The following PTPRN2 variants were observed in gnomAD, a reference collection of about 807,000 sequenced individuals.
The protein encoded by PTPRN2 is receptor-type tyrosine-protein phosphatase N2.
A neutral mutation model predicts 118.8 loss-of-function variants in PTPRN2; 74 were observed. The observed-to-expected ratio is 0.62, with a 90% CI of 0.52 to 0.76. The LOEUF (loss-of-function observed/expected upper bound fraction) is 0.76. PTPRN2 is among the 30% of genes least tolerant of loss of function. The probability of loss-of-function intolerance (pLI) is 0.00; values close to 1 mark genes in which losing one functional copy is unlikely to be tolerated. For synonymous variants in PTPRN2, 641 were observed against 608.0 expected (o/e 1.05, Z -0.80); for missense variants, 1,481 against 1,394.4 (o/e 1.06, Z -0.99).
intron 2 of PTPRN2, among the ~76,000 whole-genome samples, chr7:158,318,075 C>T (rs896777): frequency 0.54 from 81,871 of 151,838 alleles, 22,339 homozygotes; most frequent in African/African-American, 0.57. Context: ...GCCTCCTGTC[C>T]GAGAGCCGGC....
In PTPRN2 at chr7:157,794,002, C is replaced by T. The variant is rs1804692397; in HGVS notation, c.1788+104671G>A. The stretch of plus-strand genomic sequence containing the variant: ...GCCCCACAGCCCCTTCCCGGGTCCC[C>T]ACCCTCCAGGCCACCTTCGGGCCTC... On this transcript the variant is annotated intron_variant, in intron 12 of 22. Transcript: ENST00000389418. The surrounding 1 kb of genome is among the most constrained non-coding windows in gnomAD (Gnocchi z 5.2). 6.6e-6 allele frequency among the ~76,000 whole-genome samples: 1 copy of T among 152,170 alleles called. No homozygotes were observed. Among genetic ancestry groups the T allele is most frequent in the African/African-American group, 2.4e-5 (1 of 41,438 alleles).
chr7:158,137,254 A>G (rs1012981577), intron 7 of PTPRN2, among the ~76,000 whole-genome samples: 3 of 152,018 alleles, frequency 2.0e-5, no homozygotes, highest in Admixed American at 6.5e-5. Context: ...CGTCTCTACT[A>G]AAAATACAAA....
At chr7:157,908,059 G>A (rs945062294) in intron 11 of PTPRN2, among the ~76,000 whole-genome samples, 7 of 152,236 alleles carry the variant, frequency 4.6e-5, no homozygotes, top group South Asian at 2.1e-4. Context: ...ACAGCACAGC[G>A]CGCCTGGTGA....
rs73510517 is a variant in PTPRN2 at position 158,526,586 on chromosome 7, C to A, written c.113-36801G>T. Among the ~76,000 whole-genome samples, 1,141 of 152,240 alleles carry A rather than the reference C, an allele frequency of 7.5e-3. 14 individuals carry two copies. The highest frequency in any genetic ancestry group is 0.026 in the African/African-American group (1,094 of 41,530). Reference sequence around the variant, plus strand: ...TGAGTTGTGCACCCCAAAGTTCATACACTGAAGTCCTGACCCCCAGGACCT... The same window carrying A: ...TGAGTTGTGCACCCCAAAGTTCATAAACTGAAGTCCTGACCCCCAGGACCT... On this transcript the variant is annotated intron_variant, in intron 1 of 22. Coordinates refer to ENST00000389418, the MANE Select transcript of PTPRN2 (RefSeq NM_002847.5). The surrounding 1 kb of genome is among the most constrained non-coding windows in gnomAD (Gnocchi z 5.2).
At chr7:158,419,349 G>A (rs936384709) in intron 2 of PTPRN2, among the ~76,000 whole-genome samples, 2 of 54,044 alleles carry the variant, frequency 3.7e-5, no homozygotes, top group South Asian at 4.4e-4. Flanking sequence ...CATTATATAA[G>A]CTGTCACCAG....
chr7:158,059,503 A>C (rs1274167323), intron 11 of PTPRN2, among the ~76,000 whole-genome samples: 5 of 107,814 alleles, frequency 4.6e-5, no homozygotes, highest in Non-Finnish European at 5.3e-5. Flanking sequence ...CTCCATCTGC[A>C]CACAGTGACA....
chr7:158,400,932 G>C (rs1306596839), intron 2 of PTPRN2, among the ~76,000 whole-genome samples: 12 of 152,076 alleles, frequency 7.9e-5, no homozygotes, highest in Middle Eastern at 3.4e-3. Flanking sequence ...AGAACATCCT[G>C]TAAAGAACCT....
Position 157,715,139 on chromosome 7 carries a change from T to C in PTPRN2, c.1789-32202A>G, listed in dbSNP as rs575969643. On this transcript the variant is annotated intron_variant, in intron 12 of 22. Coordinates refer to ENST00000389418, the MANE Select transcript of PTPRN2 (RefSeq NM_002847.5). ...TCATCTTCACTCTGAATGAGTGAAA[T>C]GTGTGCTTAAAATGGCCTTGAGAAA... Among the ~76,000 whole-genome samples the C allele has an allele frequency of 2.6e-5, 4 of 152,304 alleles. 1 individual carries two copies. In the South Asian group the frequency reaches 8.3e-4, roughly 32 times the overall value.
chr7:157,755,750 G>A (rs1461059437), intron 12 of PTPRN2, among the ~76,000 whole-genome samples: 1 of 151,974 alleles, frequency 6.6e-6, no homozygotes, highest in Non-Finnish European at 1.5e-5. Context: ...AGGGGAGAGG[G>A]AAGGAGTGAA....
intron 12 of PTPRN2, among the ~76,000 whole-genome samples, chr7:157,810,819 G>T (rs1016115650): frequency 1.3e-5 from 2 of 151,922 alleles, no homozygotes; most frequent in Non-Finnish European, 2.9e-5. Flanking sequence ...GCTTTCCACG[G>T]GGACGGCGGG....
At chr7:158,216,570 A>G (rs1827974128) in intron 3 of PTPRN2, among the ~76,000 whole-genome samples, 1 of 152,166 alleles carries the variant, frequency 6.6e-6, no homozygotes, top group Non-Finnish European at 1.5e-5. Context: ...AGCTATATTA[A>G]TATCAGATAA....
chr7:158,149,756 A>G (rs1470470654), intron 6 of PTPRN2, among the ~76,000 whole-genome samples: 1 of 150,836 alleles, frequency 6.6e-6, no homozygotes, highest in African/African-American at 2.4e-5. Flanking sequence ...GTGAGCTGAG[A>G]TTGTGCCATT....
At chr7:158,540,723 C>T (rs1345418187) in intron 1 of PTPRN2, among the ~76,000 whole-genome samples, 4 of 152,244 alleles carry the variant, frequency 2.6e-5, no homozygotes, top group Admixed American at 2.6e-4. Flanking sequence ...GCTCTAACAC[C>T]TCCCACCGCC....
intron 9 of PTPRN2, among the ~76,000 whole-genome samples, chr7:158,122,026 G>A (rs1464547967): frequency 5.9e-5 from 9 of 152,196 alleles, no homozygotes; most frequent in Admixed American, 6.5e-5. Flanking sequence ...GCAGTTGGAC[G>A]TCATCCTGAA....
chr7:158,395,389 G>C (rs867478494), intron 2 of PTPRN2, among the ~76,000 whole-genome samples: 17 of 68,788 alleles, frequency 2.5e-4, no homozygotes, highest in East Asian at 4.6e-4. Flanking sequence ...CGCGAGGGGC[G>C]AGGGGCCAGG....
intron 12 of PTPRN2, among the ~76,000 whole-genome samples, chr7:157,730,050 T>C (rs967627547): frequency 6.6e-6 from 1 of 152,182 alleles, no homozygotes; most frequent in African/African-American, 2.4e-5. Context: ...AAATGATTTT[T>C]ATACAATAAC....
intron 11 of PTPRN2, among the ~76,000 whole-genome samples, chr7:157,992,875 C>T (rs1242860539): frequency 6.6e-6 from 1 of 152,276 alleles, no homozygotes; most frequent in East Asian, 1.9e-4. Context: ...ACAGTATCTT[C>T]AGTTTTGCCC....
intron 12 of PTPRN2, among the ~76,000 whole-genome samples, chr7:157,762,367 G>A (rs1648991549): frequency 6.6e-6 from 1 of 152,040 alleles, no homozygotes; most frequent in South Asian, 2.1e-4. Flanking sequence ...ATAATAGACT[G>A]GATTAAGAAA....
chr7:158,553,257 C>T (rs1303715290), intron 1 of PTPRN2, among the ~76,000 whole-genome samples: 1 of 151,806 alleles, frequency 6.6e-6, no homozygotes, highest in South Asian at 2.1e-4. Context: ...TGCATATACA[C>T]AGGCTTGGGA....
Sources: gnomAD v4.1 joint callset for allele counts (sites outside exome capture counted in the v4.1 genomes callset) on GRCh38, gnomAD v4.1.1 for gene constraint, Gnocchi (gnomAD v3.1) non-coding constraint, MANE v1.5 for transcripts, NCBI Gene and HGNC (gene_info 2026-07-23, HGNC 2026-07-21) for gene names.